Variants in TRPS1 observed in about 807,000 individuals in gnomAD.
TRPS1 encodes the protein transcriptional repressor GATA binding 1.
A neutral mutation model predicts 101.2 loss-of-function variants in TRPS1; 6 were observed. That is an observed-to-expected ratio of 0.06 (90% CI 0.03 to 0.12). The LOEUF is 0.12. TRPS1 is among the 10% of genes least tolerant of loss of function. The pLI is 1.00. For synonymous variants in TRPS1, 578 were observed against 589.8 expected (o/e 0.98, Z 0.29); for missense variants, 1,363 against 1,567.0 (o/e 0.87, Z 2.20).
At chr8:115,441,401 C>G (rs1290764055) in intron 5 of TRPS1, among the ~76,000 whole-genome samples, 2 of 152,178 alleles carry the variant, frequency 1.3e-5, no homozygotes, top group Non-Finnish European at 2.9e-5. Flanking sequence ...TAGGAGCTCA[C>G]ATACGAAATA....
intron 1 of TRPS1, among the ~76,000 whole-genome samples, chr8:115,653,027 A>G (rs1417582408): frequency 1.3e-5 from 2 of 152,178 alleles, no homozygotes; most frequent in Non-Finnish European, 2.9e-5. Context: ...CACCTGTTAT[A>G]AAAACCAACA....
intron 5 of TRPS1, among the ~76,000 whole-genome samples, chr8:115,442,717 T>TGGCGTGA (rs1813634496): frequency 6.6e-6 from 1 of 151,976 alleles, no homozygotes; most frequent in African/African-American, 2.4e-5. Context: ...ATTCCAGCAC[T>TGGCGTGA]TTGGGATGCT....
chr8:115,492,807 A>G (rs1815061285), intron 5 of TRPS1, among the ~76,000 whole-genome samples: 1 of 152,058 alleles, frequency 6.6e-6, no homozygotes, highest in South Asian at 2.1e-4. Context: ...ACCACCTCCC[A>G]GGTCCAAGCA....
chr8:115,586,235 T>C (rs559008943), intron 5 of TRPS1, among the ~76,000 whole-genome samples: 1 of 152,324 alleles, frequency 6.6e-6, no homozygotes, highest in South Asian at 2.1e-4. Flanking sequence ...AACTATCACT[T>C]ATTGGGAGCT....
Position 115,618,019 on chromosome 8 carries a change from C to T in TRPS1, c.966+1113G>A, listed in dbSNP as rs200608696. Among the ~76,000 whole-genome samples the T allele has an allele frequency of 7.2e-5, 11 of 152,234 alleles. No individual in the cohort carries two copies. In the East Asian group the frequency reaches 1.9e-3, roughly 27 times the overall value. On this transcript the variant is annotated intron_variant, in intron 3 of 6. Coordinates refer to ENST00000395715, the MANE Select transcript of TRPS1 (RefSeq NM_014112.5). ...CAAGTATTGCAAAATATGTTCACTA[C>T]CTGTTATTTACAACCTCTTTGCCTG...
chr8:115,495,281 T>A (rs1420607074), intron 5 of TRPS1, among the ~76,000 whole-genome samples: 1 of 152,074 alleles, frequency 6.6e-6, no homozygotes, highest in Non-Finnish European at 1.5e-5. Context: ...ATGATGCAAC[T>A]CTGTATTACC....
intron 5 of TRPS1, among the ~76,000 whole-genome samples, chr8:115,437,899 CAGAAA>C (rs1813495545): frequency 6.6e-6 from 1 of 152,126 alleles, no homozygotes; most frequent in African/African-American, 2.4e-5. Flanking sequence ...ATTCTTTCTC[CAGAAA>C]AGAAAAGCCA....
chr8:115,468,450 C>T (rs552304705), intron 5 of TRPS1, among the ~76,000 whole-genome samples: 10 of 152,272 alleles, frequency 6.6e-5, no homozygotes, highest in Middle Eastern at 3.4e-3. Context: ...GGAAGCAAAA[C>T]TGATGAGAGG....
intron 5 of TRPS1, among the ~76,000 whole-genome samples, chr8:115,429,306 C>A (rs1046214443): frequency 3.3e-5 from 5 of 152,140 alleles, no homozygotes; most frequent in African/African-American, 1.2e-4. Flanking sequence ...TGCTTTTGCA[C>A]GTCCATTAGT....
At chr8:115,480,485 GGC>G (rs1814724429) in intron 5 of TRPS1, among the ~76,000 whole-genome samples, 1 of 151,972 alleles carries the variant, frequency 6.6e-6, no homozygotes, top group Non-Finnish European at 1.5e-5. Flanking sequence ...ATGTTAATAA[GGC>G]ATGAGAAACC....
chr8:115,465,516 A>C (rs531727048), intron 5 of TRPS1, among the ~76,000 whole-genome samples: 1 of 152,236 alleles, frequency 6.6e-6, no homozygotes, highest in Non-Finnish European at 1.5e-5. Flanking sequence ...AAAAATAAGT[A>C]AGTCTGTTGT....
At chr8:115,430,702 T>G (rs886204822) in intron 5 of TRPS1, among the ~76,000 whole-genome samples, 1 of 152,150 alleles carries the variant, frequency 6.6e-6, no homozygotes, top group Non-Finnish European at 1.5e-5. Context: ...ACGTTGGTTA[T>G]GTATATACAT....
At chr8:115,636,911 A>G (rs1343360612) in intron 1 of TRPS1, among the ~76,000 whole-genome samples, 2 of 139,506 alleles carry the variant, frequency 1.4e-5, no homozygotes, top group African/African-American at 6.3e-5. Context: ...GACTCTATCT[A>G]AAAAACAAAA....
intron 2 of TRPS1, among the ~76,000 whole-genome samples, chr8:115,620,423 T>C (rs899947462): frequency 1.3e-5 from 2 of 152,066 alleles, no homozygotes; most frequent in Non-Finnish European, 2.9e-5. Context: ...TGCATGCTTA[T>C]ATATTTATAT....
At chr8:115,514,528 C>T (rs546225736) in intron 5 of TRPS1, among the ~76,000 whole-genome samples, 69 of 151,192 alleles carry the variant, frequency 4.6e-4, no homozygotes, top group African/African-American at 1.6e-3. Context: ...TTTCTTACCC[C>T]GTAGTCTATC....
intron 3 of TRPS1, 111 bp from the exon 4 acceptor site, chr8:115,605,113 G>A (rs1818007903): frequency 1.1e-5 from 10 of 942,350 alleles, no homozygotes; most frequent in Non-Finnish European, 1.7e-5. Context: ...AAATACAATA[G>A]TACTCCTGCT....
chr8:115,660,985 T>C (rs1053863078), intron 1 of TRPS1, among the ~76,000 whole-genome samples: 3 of 152,010 alleles, frequency 2.0e-5, no homozygotes, highest in African/African-American at 7.2e-5. Flanking sequence ...ACATGTTCCA[T>C]ATTATTTCTA....
At chr8:115,665,276 T>G (rs2130637770) in intron 1 of TRPS1, among the ~76,000 whole-genome samples, 1 of 152,310 alleles carries the variant, frequency 6.6e-6, no homozygotes, top group South Asian at 2.1e-4. Flanking sequence ...CAAGCGTTTA[T>G]AAAAATCTAC....
chr8:115,442,180 T>C (rs957218905), intron 5 of TRPS1, among the ~76,000 whole-genome samples: 1 of 152,146 alleles, frequency 6.6e-6, no homozygotes, highest in East Asian at 1.9e-4. Flanking sequence ...CATGTAGATA[T>C]TTAGGAGTCC....
Sources: gnomAD v4.1 joint callset for allele counts (sites outside exome capture counted in the v4.1 genomes callset) on GRCh38, gnomAD v4.1.1 for gene constraint, MANE v1.5 for transcripts, NCBI Gene and HGNC (gene_info 2026-07-23, HGNC 2026-07-21) for gene names.